FARP2: variants seen among roughly 807,000 people sequenced by gnomAD.
The protein encoded by FARP2 is FERM, ARH/RhoGEF and pleckstrin domain protein 2.
FARP2 carries 111 observed loss-of-function variants against 130.5 expected under a neutral mutation model. That is an observed-to-expected ratio of 0.85 (90% confidence interval 0.73 to 1.00). The LOEUF (loss-of-function observed/expected upper bound fraction) is 1.00, where lower values mean the gene tolerates loss of function less well. Among genes scored for constraint, FARP2 ranks in the 50% least tolerant of loss-of-function variants. The pLI is 0.00. For missense variants in FARP2, 1,385 were observed against 1,346.3 expected (o/e 1.03, Z -0.45); for synonymous variants, 504 against 516.9 (o/e 0.98, Z 0.34).
intron 21 of FARP2, among the ~76,000 whole-genome samples, chr2:241,485,450 C>G (rs1398273664): frequency 1.3e-5 from 2 of 150,308 alleles, no homozygotes; most frequent in Non-Finnish European, 3.0e-5. Context: ...TAGAGTCCTC[C>G]CTCCCTCCCT....
chr2:241,363,889 G>C (rs1308558525), intron 1 of FARP2, among the ~76,000 whole-genome samples: 1 of 152,228 alleles, frequency 6.6e-6, no homozygotes, highest in East Asian at 1.9e-4. Context: ...TACTCAGCAT[G>C]TGAAGAACCA....
At chr2:241,429,594 ATACAAAGTTGTTT>A (rs939863005) in intron 8 of FARP2, among the ~76,000 whole-genome samples, 13 of 152,078 alleles carry the variant, frequency 8.5e-5, no homozygotes, top group South Asian at 8.3e-4. Context: ...GCTTTTCTGT[ATACAAAGTTGTTT>A]TTGACTAGGT....
intron 14 of FARP2, 72 bp from the exon 15 acceptor site, chr2:241,462,451 C>T: frequency 1.9e-6 from 2 of 1,075,112 alleles, no homozygotes; most frequent in Non-Finnish European, 2.9e-6. Context: ...ACATTACCAA[C>T]TTCAGGCTCC....
chr2:241,404,316 C>T (rs182581995), intron 3 of FARP2, among the ~76,000 whole-genome samples: 14 of 152,320 alleles, frequency 9.2e-5, no homozygotes, highest in Non-Finnish European at 1.5e-4. Flanking sequence ...AAGAACCATA[C>T]ATCAACCCTT....
chr2:241,476,065 G>C lies in FARP2; in HGVS notation c.2262+78G>C. The C allele has an allele frequency of 4.3e-6, 6 of 1,387,486 alleles. No homozygotes were observed. In the South Asian group the frequency reaches 8.0e-5, roughly 19 times the overall value. 85.9% of individuals were successfully genotyped at this position (1,387,486 alleles called of 1,614,324 possible). On this transcript the variant is annotated intron_variant, in intron 19 of 26. Transcript: ENST00000264042. ...GAGATATAATTTACATACCACAAAAGTCACCATTTTAAAATGTATAATTTT... is the reference window on the plus strand; with the variant it reads ...GAGATATAATTTACATACCACAAAACTCACCATTTTAAAATGTATAATTTT...
chr2:241,362,906 T>C (rs1160791036), intron 1 of FARP2, among the ~76,000 whole-genome samples: 1 of 152,192 alleles, frequency 6.6e-6, no homozygotes, highest in Non-Finnish European at 1.5e-5. Flanking sequence ...CCACTATAAA[T>C]GTATTTTAAA....
chr2:241,402,085 C>T (rs1001930833), intron 2 of FARP2, among the ~76,000 whole-genome samples: 12 of 152,142 alleles, frequency 7.9e-5, no homozygotes, highest in African/African-American at 2.7e-4. Flanking sequence ...CCACCGTGCC[C>T]GGCCTATTTT....
At chr2:241,434,501 C>T (rs1473672005) in intron 10 of FARP2, among the ~76,000 whole-genome samples, 180 bp downstream of exon 10, 1 of 152,112 alleles carries the variant, frequency 6.6e-6, no homozygotes, top group Non-Finnish European at 1.5e-5. Context: ...AAAAAATACG[C>T]TTAATAAAAA....
chr2:241,493,612 G>A, intron 26 of FARP2, 168 bp downstream of exon 26: 1 of 536,882 alleles, frequency 1.9e-6, no homozygotes, highest in Non-Finnish European at 3.2e-6. Flanking sequence ...TTTTTTTTTT[G>A]GAGATGGCGT....
intron 3 of FARP2, among the ~76,000 whole-genome samples, chr2:241,404,515 A>G (rs976080998): frequency 6.6e-6 from 1 of 152,224 alleles, no homozygotes; most frequent in Non-Finnish European, 1.5e-5. Flanking sequence ...ACAAATTCCC[A>G]CAAATAATTA....
At position 241,491,173 on chromosome 2, in the gene FARP2, C is replaced by T. The variant is rs138817932; in HGVS notation, c.2617C>T (p.Pro873Ser). Residue 873 changes from proline to serine, a missense_variant, in exon 23 of 27, where the codon CCC (proline) becomes TCC (serine). Physicochemically the swap from Pro to Ser is moderately conservative, Grantham distance 74. Coordinates refer to ENST00000264042, the MANE Select transcript of FARP2 (RefSeq NM_014808.4). ...GCCAGGCCGCACTGTGTGCACTCGT[C>T]CCCCCAGTGAGTGCTGGCCACAACC... is the stretch of plus-strand genomic sequence containing the variant. ...ALPGRTVCTRPPRSPNEVSLE... is the reference protein window; with the variant it reads ...ALPGRTVCTRSPRSPNEVSLE... 1,472 of 1,606,012 alleles carry T rather than the reference C, an allele frequency of 9.2e-4. 10 individuals are homozygous for T. In the African/African-American group the frequency reaches 0.017, roughly 18 times the overall value.
chr2:241,453,331 A>G (rs1559785264), intron 13 of FARP2, among the ~76,000 whole-genome samples: 5 of 150,524 alleles, frequency 3.3e-5, no homozygotes, highest in African/African-American at 1.2e-4. Context: ...GTCTCAAAAA[A>G]TGTATTTGTG....
chr2:241,490,805 C>T (rs1428529910), intron 22 of FARP2, among the ~76,000 whole-genome samples: 2 of 152,236 alleles, frequency 1.3e-5, no homozygotes, highest in African/African-American at 4.8e-5. Context: ...CCTGCAGACC[C>T]CCTGTTCTAG....
chr2:241,455,533 G>C (rs1032395073), intron 13 of FARP2, among the ~76,000 whole-genome samples: 1 of 149,614 alleles, frequency 6.7e-6, no homozygotes, highest in African/African-American at 2.5e-5. Flanking sequence ...GGCACCCGCC[G>C]CCATGCCCGG....
chr2:241,408,241 G>A (rs2062417249), intron 5 of FARP2, among the ~76,000 whole-genome samples: 1 of 152,048 alleles, frequency 6.6e-6, no homozygotes, highest in Admixed American at 6.6e-5. Context: ...GCATGGTGGC[G>A]GGCACCTGTA....
At chr2:241,359,075 C>T (rs921798508) in intron 1 of FARP2, among the ~76,000 whole-genome samples, 1 of 152,052 alleles carries the variant, frequency 6.6e-6, no homozygotes, top group Non-Finnish European at 1.5e-5. Context: ...CCATTTTGAT[C>T]CATGGAAATA....
At position 241,491,564 on chromosome 2, in the gene FARP2, G is replaced by A. The variant is rs373901240; in HGVS notation, c.2672G>A (p.Arg891Gln). The change falls in exon 24 of 27, where the codon CGG (arginine) becomes CAG (glutamine). Residue 891 changes from arginine to glutamine, a missense_variant. By Grantham distance (43) the Arg-to-Gln change is conservative. Transcript: ENST00000264042. The part of the protein sequence containing the change: ...SLEQESEDDA[R>Q]GVRSSLEGHG... Reference sequence around the variant, plus strand: ...GAGCAGGAGTCAGAAGATGATGCTCGGGGTGTCCGCAGCTCCCTGGAGGGG... The same window carrying A: ...GAGCAGGAGTCAGAAGATGATGCTCAGGGTGTCCGCAGCTCCCTGGAGGGG... The A allele has an allele frequency of 2.2e-5, 35 of 1,613,626 alleles. 1 individual carries two copies. Among genetic ancestry groups the A allele is most frequent in the South Asian group, 1.4e-4 (13 of 91,076 alleles).
At chr2:241,491,811 C>T in intron 24 of FARP2, 132 bp downstream of exon 24, 3 of 826,572 alleles carry the variant, frequency 3.6e-6, no homozygotes, top group Non-Finnish European at 5.4e-6. Context: ...CTCTTACTCT[C>T]CCCTTGGTAG....
intron 2 of FARP2, among the ~76,000 whole-genome samples, chr2:241,375,331 C>T (rs1451394338): frequency 6.6e-6 from 1 of 151,924 alleles, no homozygotes; most frequent in African/African-American, 2.4e-5. Context: ...ATTGTCTAGG[C>T]TTGTAATAGG....
Sources: allele counts gnomAD v4.1 joint callset (sites outside exome capture counted in the v4.1 genomes callset), GRCh38; gene constraint gnomAD v4.1.1; transcripts MANE v1.5; gene names NCBI Gene and HGNC (gene_info 2026-07-23, HGNC 2026-07-21).